Variants in WWP2 observed in about 807,000 individuals in gnomAD.
WWP2 encodes WW domain containing E3 ubiquitin protein ligase 2.
WWP2 carries 57 observed loss-of-function variants against 121.0 expected under a neutral mutation model. The ratio of observed to expected loss-of-function variants is 0.47; its 90% confidence interval spans 0.38 to 0.59. The LOEUF (loss-of-function observed/expected upper bound fraction) is 0.59, where lower values mean the gene tolerates loss of function less well. Among genes scored for constraint, WWP2 ranks in the 20% least tolerant of loss-of-function variants. The pLI is 0.00. For missense variants in WWP2, 962 were observed against 1,158.9 expected, an observed-to-expected ratio of 0.83 and a Z score of 2.47; for synonymous variants, 449 against 441.3, an observed-to-expected ratio of 1.02 and a Z score of -0.22.
intron 4 of WWP2, among the ~76,000 whole-genome samples, chr16:69,821,258 C>T (rs1451868925): frequency 2.6e-5 from 4 of 152,236 alleles, no homozygotes; most frequent in Non-Finnish European, 4.4e-5. Context: ...CTCCCTCAGC[C>T]CCACACCCTC....
chr16:69,855,206 T>C (rs1169000822), intron 6 of WWP2, among the ~76,000 whole-genome samples: 1 of 152,264 alleles, frequency 6.6e-6, no homozygotes, highest in Non-Finnish European at 1.5e-5. Context: ...GAATTTATAT[T>C]CTGCTTCACA....
intron 4 of WWP2, among the ~76,000 whole-genome samples, chr16:69,838,407 G>T (rs2056914973): frequency 6.7e-6 from 1 of 148,768 alleles, no homozygotes. Context: ...TTAGGTACTG[G>T]ATCTTGGCGT....
At chr16:69,766,679 A>G (rs927763306) in intron 1 of WWP2, among the ~76,000 whole-genome samples, 4 of 152,134 alleles carry the variant, frequency 2.6e-5, no homozygotes, top group Non-Finnish European at 5.9e-5. Context: ...ATTCAGCCAC[A>G]TGGCCCCTTC....
intron 7 of WWP2, among the ~76,000 whole-genome samples, chr16:69,881,911 T>C (rs1170631697): frequency 6.6e-6 from 1 of 152,220 alleles, no homozygotes; most frequent in Non-Finnish European, 1.5e-5. Flanking sequence ...CAGGCTGGTC[T>C]TGAACTCCTG....
At chr16:69,776,081 G>A (rs1412724278) in intron 1 of WWP2, 1 of 152,242 alleles carries the variant, frequency 6.6e-6, no homozygotes, top group Non-Finnish European at 1.5e-5. Flanking sequence ...AGCAAAGTAT[G>A]GGGGAGGGGA....
At chr16:69,777,152 T>C (rs1219193564) in intron 1 of WWP2, among the ~76,000 whole-genome samples, 1 of 151,626 alleles carries the variant, frequency 6.6e-6, no homozygotes, top group Non-Finnish European at 1.5e-5. Context: ...CATATGTGTA[T>C]ATACAATACA....
intron 4 of WWP2, among the ~76,000 whole-genome samples, chr16:69,808,435 C>G (rs971537099): frequency 1.3e-5 from 2 of 151,924 alleles, no homozygotes; most frequent in African/African-American, 4.8e-5. Flanking sequence ...GAGTTTCACT[C>G]TTGTCGCCCA....
chr16:69,895,910 C>G (rs1172545728), intron 8 of WWP2, among the ~76,000 whole-genome samples: 1 of 152,140 alleles, frequency 6.6e-6, no homozygotes, highest in Non-Finnish European at 1.5e-5. Flanking sequence ...CAGTTTGTTT[C>G]TTTGCTTAGT....
intron 8 of WWP2, among the ~76,000 whole-genome samples, chr16:69,908,466 A>T (rs537732756): frequency 2.3e-4 from 31 of 132,010 alleles, no homozygotes; most frequent in South Asian, 5.2e-4. Context: ...GAATTTTTTT[A>T]AAAAATCCAT....
intron 8 of WWP2, among the ~76,000 whole-genome samples, chr16:69,903,283 C>T (rs192017725): frequency 9.8e-5 from 15 of 152,290 alleles, no homozygotes; most frequent in Admixed American, 2.0e-4. Flanking sequence ...TCATTTCTGG[C>T]AGTGTGTGGG....
At chr16:69,784,091 C>CTTTTTTTTTTTTTTTTTTTTTTTT (rs61650147) in intron 1 of WWP2, among the ~76,000 whole-genome samples, 11 of 60,852 alleles carry the variant, frequency 1.8e-4, no homozygotes, top group Non-Finnish European at 2.7e-4. Context: ...TTCTTTCTTT[C>CTTTTTTTTTTTTTTTTTTTTTTTT]TTTTTTTTTT....
chr16:69,937,163 C>G lies in WWP2; in HGVS notation c.2163C>G (p.Thr721=), dbSNP rs553134886. Reference sequence around the variant, plus strand: ...TCACCCGAGGCGTGGAAGAGCAGACCAAAGCCTTCCTGGATGGCTTCAACG... The same window carrying G: ...TCACCCGAGGCGTGGAAGAGCAGACGAAAGCCTTCCTGGATGGCTTCAACG... The part of the protein sequence containing the change: ...WRFTRGVEEQ[T]KAFLDGFNEV... Residue 721 remains threonine, a synonymous_variant, in exon 20 of 24, where the codon ACC becomes ACG. Coordinates refer to ENST00000359154, the MANE Select transcript of WWP2 (RefSeq NM_001270454.2). The surrounding 1 kb of genome is among the most constrained non-coding windows in gnomAD (Gnocchi z 6.6). 7 of 1,613,838 alleles carry G rather than the reference C, an allele frequency of 4.3e-6. No homozygotes were observed. The highest frequency in any genetic ancestry group is 1.7e-5 in the Admixed American group (1 of 59,974).
At chr16:69,845,333 C>T (rs1412707829) in intron 6 of WWP2, among the ~76,000 whole-genome samples, 6 of 152,020 alleles carry the variant, frequency 3.9e-5, no homozygotes, top group African/African-American at 7.2e-5. Flanking sequence ...GAGGCATTAC[C>T]GGTGCGTTTA....
intron 4 of WWP2, among the ~76,000 whole-genome samples, chr16:69,837,904 A>G (rs2056905112): frequency 6.6e-6 from 1 of 152,146 alleles, no homozygotes; most frequent in Non-Finnish European, 1.5e-5. Context: ...GAAGGATCAG[A>G]AGGATCAAGA....
At chr16:69,832,357 T>C (rs2056809313) in intron 4 of WWP2, among the ~76,000 whole-genome samples, 1 of 151,652 alleles carries the variant, frequency 6.6e-6, no homozygotes, top group South Asian at 2.1e-4. Context: ...AATCCCGACA[T>C]ACTTCAACTA....
At chr16:69,776,540 T>C (rs1391872614) in intron 1 of WWP2, among the ~76,000 whole-genome samples, 2 of 152,128 alleles carry the variant, frequency 1.3e-5, no homozygotes. Flanking sequence ...TAACTTATAA[T>C]GATAATAGGC....
At chr16:69,807,524 C>T (rs140173830) in intron 4 of WWP2, among the ~76,000 whole-genome samples, 6,634 of 139,820 alleles carry the variant, frequency 0.047, 509 homozygotes, top group African/African-American at 0.17. Flanking sequence ...GAGGCTGAGT[C>T]GGGAGGATTG....
intron 4 of WWP2, among the ~76,000 whole-genome samples, chr16:69,823,045 C>G (rs2056621848): frequency 6.6e-6 from 1 of 152,132 alleles, no homozygotes; most frequent in Non-Finnish European, 1.5e-5. Flanking sequence ...GCAGGAGAAT[C>G]ACTTGAACCC....
intron 16 of WWP2, among the ~76,000 whole-genome samples, chr16:69,932,897 G>A (rs1361576159): frequency 6.6e-6 from 1 of 152,192 alleles, no homozygotes; most frequent in Non-Finnish European, 1.5e-5. Context: ...CGACCTCTCC[G>A]CTCGAGACCT....
Sources: gnomAD v4.1 joint callset for allele counts (sites outside exome capture counted in the v4.1 genomes callset) on GRCh38, gnomAD v4.1.1 for gene constraint, Gnocchi (gnomAD v3.1) non-coding constraint, MANE v1.5 for transcripts, NCBI Gene and HGNC (gene_info 2026-07-23, HGNC 2026-07-21) for gene names.